CCNG2: variants seen among roughly 807,000 people sequenced by gnomAD.
CCNG2 encodes the protein cyclin G2, also known as cyclin-G2.
A neutral mutation model predicts 36.5 loss-of-function variants in CCNG2; 20 were observed. The observed-to-expected ratio is 0.55, with a 90% CI of 0.39 to 0.80. CCNG2 has a LOEUF of 0.80. CCNG2 is among the 30% of genes least tolerant of loss of function. The probability of loss-of-function intolerance (pLI) is 0.00; values close to 1 mark genes in which losing one functional copy is unlikely to be tolerated. For synonymous variants in CCNG2, 155 were observed against 140.1 expected (o/e 1.11, Z -0.75); for missense variants, 358 against 390.8 (o/e 0.92, Z 0.71).
At chr4:77,158,717 G>T (rs775577155) in intron 2 of CCNG2, 47 bp downstream of exon 2, 2 of 1,606,286 alleles carry the variant, frequency 1.2e-6, no homozygotes, top group African/African-American at 1.3e-5. Context: ...GATGGGGCTT[G>T]GAGGAGGTAA....
At position 77,158,583 on chromosome 4, in the gene CCNG2, T is replaced by C. The variant is rs34727878; in HGVS notation, c.51T>C (p.Leu17=). 1,338 of 1,614,136 alleles carry C rather than the reference T, an allele frequency of 8.3e-4. 11 individuals carry two copies. The African/African-American group carries it at 0.016, about 20-fold the overall frequency. Residue 17 remains leucine, a synonymous_variant, in exon 2 of 8, where the codon CTT becomes CTC. Coordinates refer to ENST00000316355, the MANE Select transcript of CCNG2 (RefSeq NM_004354.3). ...EHLAGHEGVQ[L]LGLLNVYLEQ... is the part of the protein sequence containing the mutation. ...TGGCAGGTCATGAAGGGGTCCAACTTCTCGGGTTGTTGAACGTCTACCTGG... is the reference window on the plus strand; with the variant it reads ...TGGCAGGTCATGAAGGGGTCCAACTCCTCGGGTTGTTGAACGTCTACCTGG...
chr4:77,161,781 T>A (rs1243728743), intron 6 of CCNG2, 34 bp downstream of exon 6: 1 of 1,372,136 alleles, frequency 7.3e-7, no homozygotes, highest in Non-Finnish European at 1.0e-6. Flanking sequence ...AGGCAAATTT[T>A]TTTCCTGATG....
In CCNG2 at chr4:77,158,545, G is replaced by T. The variant is rs1560421219; in HGVS notation, c.13G>T (p.Gly5Trp). 4 of 1,614,126 alleles carry T rather than the reference G, an allele frequency of 2.5e-6. No homozygotes were observed. The highest frequency in any genetic ancestry group is 3.4e-6 in the Non-Finnish European group (4 of 1,180,000). MKDL[G>W]AEHLAGHEGV... ...GTCTTTACTGCAGATGAAGGATTTGGGGGCAGAGCACTTGGCAGGTCATGA... is the reference window on the plus strand; with the variant it reads ...GTCTTTACTGCAGATGAAGGATTTGTGGGCAGAGCACTTGGCAGGTCATGA... The change falls in exon 2 of 8, where the codon GGG (glycine) becomes TGG (tryptophan). Residue 5 changes from glycine (G) to tryptophan (W), a missense_variant. Gly to Trp is a radical substitution (Grantham distance 184). Transcript: ENST00000316355.
In CCNG2 at chr4:77,165,912, C is replaced by A. The variant is rs1312848574; in HGVS notation, c.1023C>A (p.Cys341Ter). ...FFNFKVAQTL[C>*]FPS is the part of the protein sequence containing the mutation. ...ACTTCAAAGTGGCACAAACACTGTG[C>A]TTTCCATCTTAGAAATCTGATTGTT... The change falls in exon 8 of 8, where the codon TGC (cysteine) becomes TGA (stop). Residue 341 changes from cysteine to a stop codon, truncating the protein, a stop_gained. Coordinates refer to ENST00000316355, the MANE Select transcript of CCNG2 (RefSeq NM_004354.3). LOFTEE classifies it high-confidence loss of function. 6.3e-7 allele frequency: 1 copy of A among 1,599,428 alleles called. No homozygotes were observed. Among genetic ancestry groups the A allele is most frequent in the Non-Finnish European group, 8.5e-7 (1 of 1,175,868 alleles).
At chr4:77,160,534 G>GTT (rs559719522) in intron 3 of CCNG2, among the ~76,000 whole-genome samples, 187 bp from the exon 4 acceptor site, 2 of 147,914 alleles carry the variant, frequency 1.4e-5, no homozygotes, top group African/African-American at 5.1e-5. Context: ...TTTTTTTTGG[G>GTT]GGGGGGGGGA....
At position 77,167,948 on chromosome 4, in the gene CCNG2, CTT is replaced by C. The variant is rs1470966496; in HGVS notation, c.*2026_*2027del. 6.6e-6 allele frequency: 1 copy of C among 152,196 alleles called. No homozygotes were observed. Among genetic ancestry groups the C allele is most frequent in the African/African-American group, 2.4e-5 (1 of 41,448 alleles). 9.4% of individuals were successfully genotyped at this position (152,196 alleles called of 1,614,324 possible). A position where few individuals can be genotyped will look rare whatever the true frequency, so the allele number is the denominator to read the frequency against. On this transcript the variant is annotated 3_prime_UTR_variant, in exon 8 of 8. Transcript: ENST00000316355. ...GGGGCTTACCAAATCTCAAGACTCTCTTTAGCTCCTGCAGGATTGTATTGCTT... is the reference window on the plus strand; with the variant it reads ...GGGGCTTACCAAATCTCAAGACTCTCTAGCTCCTGCAGGATTGTATTGCTT...
intron 6 of CCNG2, among the ~76,000 whole-genome samples, chr4:77,162,833 G>C (rs1398513030): frequency 6.6e-6 from 1 of 151,936 alleles, no homozygotes; most frequent in Non-Finnish European, 1.5e-5. Context: ...AGATATAAAA[G>C]TCATTTTAGG....
At position 77,161,311 on chromosome 4, in the gene CCNG2, A is replaced by C. The variant is rs575478358; in HGVS notation, c.528-169A>C. Among the ~76,000 whole-genome samples, 7 of 152,248 alleles carry C rather than the reference A, an allele frequency of 4.6e-5. No individual in the cohort carries two copies. In the South Asian group the frequency reaches 1.0e-3, roughly 23 times the overall value. On this transcript the variant is annotated intron_variant, in intron 4 of 7. Transcript: ENST00000316355. ...GAGACAGGGTTTTTCCATGTTGGTC[A>C]GGCTGGTCTCGAACTCCTGACCTTA...
intron 1 of CCNG2, chr4:77,158,193 C>T (rs1350434468): frequency 3.3e-6 from 1 of 305,438 alleles, no homozygotes; most frequent in Admixed American, 4.7e-5. Flanking sequence ...GTCCCCTGGG[C>T]AGAAGGCCCT....
In CCNG2 at chr4:77,165,806, ACT is replaced by A. The variant is rs762432430; in HGVS notation, c.920_921del (p.Ser307LeufsTer2). 6.4e-7 allele frequency: 1 copy of A among 1,569,902 alleles called. No homozygotes were observed. ...TTGTCTCTTTTTCTCTTTAGTGAGGACTCTTGTGAAGATATGAGTTGTGGAGA... is the reference window on the plus strand; with the variant it reads ...TTGTCTCTTTTTCTCTTTAGTGAGGACTTGTGAAGATATGAGTTGTGGAGA... On this transcript the variant is annotated frameshift_variant, in exon 8 of 8. Transcript: ENST00000316355. LOFTEE classifies it high-confidence loss of function.
At chr4:77,164,995 A>C (rs1731592185) in intron 7 of CCNG2, 1 of 152,450 alleles carries the variant, frequency 6.6e-6, no homozygotes, top group African/African-American at 2.4e-5. Flanking sequence ...GAAGAGATTG[A>C]GGGGTAGGTG....
Position 77,160,893 on chromosome 4 carries a change from A to G in CCNG2, c.449A>G (p.His150Arg). The G allele has an allele frequency of 1.9e-6, 3 of 1,612,894 alleles. No homozygotes were observed. The highest frequency in any genetic ancestry group is 2.5e-6 in the Non-Finnish European group (3 of 1,179,674). Residue 150 changes from histidine to arginine, a missense_variant, in exon 4 of 8, where the codon CAC (histidine) becomes CGC (arginine). Physicochemically the swap from His to Arg is conservative, Grantham distance 29. Transcript: ENST00000316355. ...GAAAAAATAATTTCAGAAAAATTGCACTATGAATTGGAAGCTACTACTGCC... is the reference window on the plus strand; with the variant it reads ...GAAAAAATAATTTCAGAAAAATTGCGCTATGAATTGGAAGCTACTACTGCC... ...RMEKIISEKL[H>R]YELEATTALN...
chr4:77,160,531 T>TTGGGGGG (rs1451880647), intron 3 of CCNG2, among the ~76,000 whole-genome samples, 190 bp from the exon 4 acceptor site: 3 of 107,370 alleles, frequency 2.8e-5, no homozygotes, highest in African/African-American at 8.7e-5. Flanking sequence ...CCTTTTTTTT[T>TTGGGGGG]GGGGGGGGGG....
intron 3 of CCNG2, among the ~76,000 whole-genome samples, chr4:77,159,821 C>G (rs2109916092): frequency 6.6e-6 from 1 of 152,326 alleles, no homozygotes; most frequent in East Asian, 1.9e-4. Flanking sequence ...TGCCATCATG[C>G]TTCTCTTGAA....
In CCNG2 at chr4:77,166,581, C is replaced by T. The variant is rs897445572; in HGVS notation, c.*657C>T. On this transcript the variant is annotated 3_prime_UTR_variant, in exon 8 of 8. Coordinates refer to ENST00000316355, the MANE Select transcript of CCNG2 (RefSeq NM_004354.3). ...AGGCTAGGGCTCTTAGTTTTCATTC[C>T]TATTGCCCAAGTATTGTCAAACTAT... 2.6e-5 allele frequency: 4 copies of T among 152,060 alleles called. No homozygotes were observed. Among genetic ancestry groups the T allele is most frequent in the Admixed American group, 6.6e-5 (1 of 15,260 alleles). The allele number at this position is 152,060 out of a possible 1,614,324, so 9.4% of individuals were successfully genotyped here.
rs1215243750 is a variant in CCNG2 at position 77,167,345 on chromosome 4, C to T, written c.*1421C>T. The T allele has an allele frequency of 6.6e-6, 1 of 152,204 alleles. No homozygotes were observed. Among genetic ancestry groups the T allele is most frequent in the African/African-American group, 2.4e-5 (1 of 41,454 alleles). The allele number at this position is 152,204 out of a possible 1,614,324, so 9.4% of individuals were successfully genotyped here. On this transcript the variant is annotated 3_prime_UTR_variant, in exon 8 of 8. Coordinates refer to ENST00000316355, the MANE Select transcript of CCNG2 (RefSeq NM_004354.3). ...GCTAGCAGAAGTTCTCTAGGTTTGG[C>T]ATCTGTGCCTTGGAGATACTGAAAG... is the stretch of plus-strand genomic sequence containing the variant.
intron 1 of CCNG2, among the ~76,000 whole-genome samples, 157 bp downstream of exon 1, chr4:77,157,663 G>A (rs1312050443): frequency 6.6e-6 from 1 of 152,088 alleles, no homozygotes; most frequent in African/African-American, 2.4e-5. Flanking sequence ...CCCGGGGGGA[G>A]CTGGCGCCCG....
At chr4:77,158,701 G>C (rs1406555175) in intron 2 of CCNG2, 31 bp downstream of exon 2, 2 of 1,611,982 alleles carry the variant, frequency 1.2e-6, no homozygotes. Context: ...ACTTGCTCAA[G>C]CAGCTGATGG....
intron 4 of CCNG2, 123 bp downstream of exon 4, chr4:77,161,094 TAA>T: frequency 6.8e-6 from 4 of 590,296 alleles, no homozygotes; most frequent in South Asian, 2.4e-5. Context: ...ACTTTATTGG[TAA>T]ATCTTTTTTT....
Sources: gnomAD v4.1 joint callset for allele counts (sites outside exome capture counted in the v4.1 genomes callset) on GRCh38, gnomAD v4.1.1 for gene constraint, MANE v1.5 for transcripts, NCBI Gene and HGNC (gene_info 2026-07-23, HGNC 2026-07-21) for gene names.